The following HTR1D variants were observed in gnomAD, a reference collection of about 807,000 sequenced individuals.
HTR1D encodes the protein 5-HT-1D.
HTR1D carries 18 observed loss-of-function variants against 21.1 expected under a neutral mutation model. The ratio of observed to expected loss-of-function variants is 0.85; its 90% CI spans 0.59 to 1.27. The LOEUF is 1.27. Ranked by LOEUF, HTR1D falls within the 50% of genes most tolerant of loss-of-function variation. The probability of loss-of-function intolerance (pLI) is 0.00; values close to 1 mark genes in which losing one functional copy is unlikely to be tolerated. For synonymous variants in HTR1D, 196 were observed against 204.4 expected, an observed-to-expected ratio of 0.96 and a Z score of 0.35; for missense variants, 456 against 481.4, an observed-to-expected ratio of 0.95 and a Z score of 0.49.
chr1:23,202,341 T>C (rs1372651488), intron 1 of HTR1D, among the ~76,000 whole-genome samples: 1 of 151,932 alleles, frequency 6.6e-6, no homozygotes, highest in East Asian at 1.9e-4. Context: ...GATCTGCCCG[T>C]CTGAGCCTCC....
chr1:23,204,812 C>G (rs970187853), intron 1 of HTR1D, among the ~76,000 whole-genome samples: 2 of 152,188 alleles, frequency 1.3e-5, no homozygotes, highest in Non-Finnish European at 2.9e-5. Flanking sequence ...CCAGCCAAAC[C>G]CGGCCTAGAA....
chr1:23,201,163 A>C (rs911237047), intron 1 of HTR1D, among the ~76,000 whole-genome samples: 2 of 152,188 alleles, frequency 1.3e-5, no homozygotes, highest in Non-Finnish European at 2.9e-5. Flanking sequence ...AATGGAGACC[A>C]TGGGGAGCTG....
chr1:23,209,779 G>A (rs866469840), intron 1 of HTR1D, among the ~76,000 whole-genome samples: 2 of 152,108 alleles, frequency 1.3e-5, no homozygotes, highest in South Asian at 2.1e-4. Context: ...ATCTGGGCTT[G>A]CCCGACTCCA....
In HTR1D at chr1:23,197,195, C is replaced by T. The variant is rs536228552; in HGVS notation, c.-782-2194G>A. Among the ~76,000 whole-genome samples the T allele has an allele frequency of 1.3e-4, 20 of 152,114 alleles. No homozygotes were observed. The South Asian group carries it at 2.7e-3, about 21-fold the overall frequency. On this transcript the variant is annotated intron_variant, in intron 1 of 1. Coordinates refer to ENST00000374619, the MANE Select transcript of HTR1D (RefSeq NM_000864.5). ...GTGTGTGTGTAAGCCCTCCAGCCCTCAGCAACATCTTGGGAAAAGGGACAG... is the reference window on the plus strand; with the variant it reads ...GTGTGTGTGTAAGCCCTCCAGCCCTTAGCAACATCTTGGGAAAAGGGACAG...
chr1:23,215,132 G>C (rs1286607554), intron 1 of HTR1D, among the ~76,000 whole-genome samples: 2 of 152,198 alleles, frequency 1.3e-5, no homozygotes, highest in Non-Finnish European at 2.9e-5. Context: ...GAAAGACTGA[G>C]CAGGCCAGGC....
rs919188312 is a variant in HTR1D at position 23,217,085 on chromosome 1, C to G, written c.-783+206G>C. Among the ~76,000 whole-genome samples the G allele has an allele frequency of 1.3e-5, 2 of 151,968 alleles. No homozygotes were observed. Among genetic ancestry groups the G allele is most frequent in the Non-Finnish European group, 2.9e-5 (2 of 67,932 alleles). ...CGCTGCCTCAGTCCTCCCTTTTCTC[C>G]CGGGGCTCTGGACGGCCACCCCCGG... On this transcript the variant is annotated intron_variant, in intron 1 of 1. Coordinates refer to ENST00000374619, the MANE Select transcript of HTR1D (RefSeq NM_000864.5). The surrounding 1 kb of genome is among the most constrained non-coding windows in gnomAD (Gnocchi z 4.6).
At chr1:23,205,156 A>G (rs559732132) in intron 1 of HTR1D, among the ~76,000 whole-genome samples, 79 of 147,428 alleles carry the variant, frequency 5.4e-4, no homozygotes, top group African/African-American at 1.9e-3. Context: ...AAAACCAAAC[A>G]TTGTATGTTC....
Position 23,194,122 on chromosome 1 carries a change from G to A in HTR1D, c.98C>T (p.Thr33Ile). ...AAGGGAGATCTTGAGCGCCTGGAGG[G>A]TCCTGGGATCCCAAGCCTCTGAGGT... ...TETSEAWDPRTLQALKISLAV... is the reference protein window; with the variant it reads ...TETSEAWDPRILQALKISLAV... Residue 33 changes from threonine (T) to isoleucine (I), a missense_variant, in exon 2 of 2, where the codon ACC becomes ATC. Physicochemically the swap from Thr to Ile is moderately conservative, Grantham distance 89 (BLOSUM62 -1). Coordinates refer to ENST00000374619, the MANE Select transcript of HTR1D (RefSeq NM_000864.5). 1.2e-6 allele frequency: 2 copies of A among 1,614,142 alleles called. No homozygotes were observed. Among genetic ancestry groups the A allele is most frequent in the Non-Finnish European group, 1.7e-6 (2 of 1,180,012 alleles).
chr1:23,206,898 G>C (rs945603188), intron 1 of HTR1D, among the ~76,000 whole-genome samples: 1 of 152,186 alleles, frequency 6.6e-6, no homozygotes, highest in Non-Finnish European at 1.5e-5. Context: ...AGGAACTGGT[G>C]GGGAATGGGC....
At position 23,193,015 on chromosome 1, in the gene HTR1D, T is replaced by TA. The variant is rs11415810; in HGVS notation, c.*70dup. On this transcript the variant is annotated 3_prime_UTR_variant, in exon 2 of 2. Transcript: ENST00000374619. ...ATTAATCCAAGTCTCAGAAAATAAT[T>TA]AAAAAAAAAAAAGACAATCCCGATG... The TA allele has an allele frequency of 0.36, 288,132 of 801,614 alleles. 22,031 individuals carry two copies. The highest frequency in any genetic ancestry group is 0.54 in the African/African-American group (27,895 of 52,040). 49.7% of individuals were successfully genotyped at this position (801,614 alleles called of 1,614,324 possible). A position where few individuals can be genotyped will look rare whatever the true frequency, so the allele number is the denominator to read the frequency against.
rs2148236864 is a variant in HTR1D at position 23,193,042 on chromosome 1, G to A, written c.*44C>T. ...AAAAAAAAAAAGACAATCCCGATGAGGTTACAGGACACAAAAGATAACAAG... is the reference window on the plus strand; with the variant it reads ...AAAAAAAAAAAGACAATCCCGATGAAGTTACAGGACACAAAAGATAACAAG... On this transcript the variant is annotated 3_prime_UTR_variant, in exon 2 of 2. Transcript: ENST00000374619. The A allele has an allele frequency of 1.5e-6, 2 of 1,306,914 alleles. No homozygotes were observed. Among genetic ancestry groups the A allele is most frequent in the African/African-American group, 1.5e-5 (1 of 66,946 alleles). The allele number at this position is 1,306,914 out of a possible 1,614,324, so 81.0% of individuals were successfully genotyped here.
In HTR1D at chr1:23,199,415, CTTTTTTTTTTTTTTTTT is replaced by C. The variant is rs71020483; in HGVS notation, c.-782-4431_-782-4415del. 5.7e-3 allele frequency among the ~76,000 whole-genome samples: 265 copies of C among 46,328 alleles called. 4 individuals carry two copies. The highest frequency in any genetic ancestry group is 0.022 in the African/African-American group (243 of 11,254). The allele number at this position is 46,328 out of a possible 152,430, so 30.4% of individuals were successfully genotyped here. A position where few individuals can be genotyped will look rare whatever the true frequency, so the allele number is the denominator to read the frequency against. ...ACAGGTGTGAGCCGCCATGTGTGGTCTTTTTTTTTTTTTTTTTTTTTTTTTTTTTTTTTTTTTTAGAG... is the reference window on the plus strand; with the variant it reads ...ACAGGTGTGAGCCGCCATGTGTGGTCTTTTTTTTTTTTTTTTTTTTTAGAG... On this transcript the variant is annotated intron_variant, in intron 1 of 1. Transcript: ENST00000374619.
At chr1:23,203,209 A>T (rs1644716671) in intron 1 of HTR1D, among the ~76,000 whole-genome samples, 1 of 152,146 alleles carries the variant, frequency 6.6e-6, no homozygotes, top group South Asian at 2.1e-4. Flanking sequence ...AAATCTGGAA[A>T]GTTTTAACAT....
Position 23,193,250 on chromosome 1 carries a change from G to A in HTR1D, c.970C>T (p.Leu324Phe), listed in dbSNP as rs761467932. The A allele has an allele frequency of 6.2e-7, 1 of 1,614,148 alleles. No individual in the cohort carries two copies. Among genetic ancestry groups the A allele is most frequent in the Non-Finnish European group, 8.5e-7 (1 of 1,180,020 alleles). The change falls in exon 2 of 2, where the codon CTC becomes TTC. Residue 324 changes from leucine (L) to phenylalanine (F), a missense_variant. Transcript: ENST00000374619. ...WLPFFVVSLV[L>F]PICRDSCWIH... The stretch of plus-strand genomic sequence containing the variant: ...CAGCAGGAGTCCCGGCAGATGGGGA[G>A]GACCAGAGACACCACGAAGAAGGGC...
In HTR1D at chr1:23,192,962, G is replaced by T; in HGVS notation, c.*124C>A. ...CAACAGGAAAAAGAACAATTCTGTT[G>T]ATTGAACCAAGACTCAAGATACCAT... is the stretch of plus-strand genomic sequence containing the variant. On this transcript the variant is annotated 3_prime_UTR_variant, in exon 2 of 2. Coordinates refer to ENST00000374619, the MANE Select transcript of HTR1D (RefSeq NM_000864.5). The T allele has an allele frequency of 6.3e-6, 3 of 478,296 alleles. No homozygotes were observed. Among genetic ancestry groups the T allele is most frequent in the Non-Finnish European group, 6.7e-6 (2 of 298,820 alleles). 29.6% of individuals were successfully genotyped at this position (478,296 alleles called of 1,614,324 possible).
chr1:23,198,882 T>C (rs1175534280), intron 1 of HTR1D, among the ~76,000 whole-genome samples: 1 of 152,174 alleles, frequency 6.6e-6, no homozygotes, highest in Non-Finnish European at 1.5e-5. Context: ...AATATAATCA[T>C]AAAGGGTTTT....
rs1644676461 is a variant in HTR1D, at chr1:23,194,285, C to A, written c.-66G>T. On this transcript the variant is annotated 5_prime_UTR_variant, in exon 2 of 2. Coordinates refer to ENST00000374619, the MANE Select transcript of HTR1D (RefSeq NM_000864.5). ...GCTCCTTCCTTCAAGGTTGTCCTGA[C>A]AACAGAGCAAAGTCATCCTTCTGCT... The A allele has an allele frequency of 1.4e-6, 2 of 1,450,848 alleles. No homozygotes were observed. The highest frequency in any genetic ancestry group is 1.3e-5 in the South Asian group (1 of 76,498). 89.9% of individuals were successfully genotyped at this position (1,450,848 alleles called of 1,614,324 possible).
chr1:23,214,420 C>T (rs985433030), intron 1 of HTR1D, among the ~76,000 whole-genome samples: 2 of 151,394 alleles, frequency 1.3e-5, no homozygotes, highest in African/African-American at 4.9e-5. Flanking sequence ...AAGCCAGACT[C>T]TGTCATCATT....
chr1:23,204,950 T>C (rs1165698973), intron 1 of HTR1D, among the ~76,000 whole-genome samples: 2 of 152,178 alleles, frequency 1.3e-5, no homozygotes, highest in Non-Finnish European at 2.9e-5. Context: ...CACATGCATG[T>C]TTATAGCAGC....
Sources: allele counts gnomAD v4.1 joint callset (sites outside exome capture counted in the v4.1 genomes callset), GRCh38; gene constraint gnomAD v4.1.1; non-coding constraint Gnocchi (gnomAD v3.1); transcripts MANE v1.5; gene names NCBI Gene and HGNC (gene_info 2026-07-23, HGNC 2026-07-21).